STRN3: variants seen among roughly 807,000 people sequenced by gnomAD.
STRN3 encodes the protein striatin-3.
Under a neutral mutation model 95.6 loss-of-function variants are expected in STRN3, and 29 were observed. The ratio of observed to expected loss-of-function variants is 0.30; its 90% CI spans 0.23 to 0.41. The LOEUF is 0.41. Ranked by LOEUF, STRN3 falls within the 10% of genes least tolerant of loss-of-function variation. The probability of loss-of-function intolerance (pLI) is 1.00; values close to 1 mark genes in which losing one functional copy is unlikely to be tolerated. For missense variants in STRN3, 890 were observed against 972.1 expected (o/e 0.92, Z 1.12); for synonymous variants, 331 against 357.6 (o/e 0.93, Z 0.84).
At chr14:30,963,880 A>G (rs7142163) in intron 1 of STRN3, among the ~76,000 whole-genome samples, 7,769 of 152,324 alleles carry the variant, frequency 0.051, 253 homozygotes, top group African/African-American at 0.083. Context: ...AAACAAACAC[A>G]GGACATACCA....
chr14:30,974,684 G>T (rs1011730203), intron 1 of STRN3, among the ~76,000 whole-genome samples: 1 of 151,402 alleles, frequency 6.6e-6, no homozygotes, highest in African/African-American at 2.4e-5. Flanking sequence ...CACGCCTGTA[G>T]TCTCAGCTAC....
chr14:30,991,964 T>A (rs1881977369), intron 1 of STRN3, among the ~76,000 whole-genome samples: 1 of 150,052 alleles, frequency 6.7e-6, no homozygotes, highest in African/African-American at 2.4e-5. Flanking sequence ...AAATAAAACA[T>A]CATTAAAAAG....
intron 1 of STRN3, among the ~76,000 whole-genome samples, chr14:30,989,702 T>C (rs968113141): frequency 2.0e-5 from 3 of 151,938 alleles, no homozygotes; most frequent in South Asian, 2.1e-4. Context: ...TCGTGATCCA[T>C]CCGCCTCAGC....
intron 1 of STRN3, 128 bp downstream of exon 1, chr14:31,025,776 T>C (rs1243180499): frequency 4.6e-6 from 6 of 1,310,312 alleles, no homozygotes; most frequent in Admixed American, 2.3e-5. Context: ...CATCACAACC[T>C]GAGCAGCACA....
intron 3 of STRN3, among the ~76,000 whole-genome samples, chr14:30,954,354 T>C (rs754034112): frequency 2.6e-5 from 4 of 152,192 alleles, no homozygotes; most frequent in South Asian, 2.1e-4. Flanking sequence ...TAAATACTTA[T>C]ATATCTTCTA....
chr14:30,912,327 A>G, intron 10 of STRN3, 145 bp from the exon 11 acceptor site: 1 of 626,932 alleles, frequency 1.6e-6, no homozygotes, highest in Non-Finnish European at 2.5e-6. Flanking sequence ...ATGTACCTTT[A>G]AAACTTTCTA....
At chr14:30,925,772 A>G (rs1485524849) in intron 8 of STRN3, among the ~76,000 whole-genome samples, 2 of 152,176 alleles carry the variant, frequency 1.3e-5, no homozygotes, top group Non-Finnish European at 1.5e-5. Context: ...TTAAAATGTC[A>G]CACTGTGTCC....
At chr14:30,957,951 T>G (rs1250067150) in intron 1 of STRN3, among the ~76,000 whole-genome samples, 1 of 152,108 alleles carries the variant, frequency 6.6e-6, no homozygotes, top group African/African-American at 2.4e-5. Context: ...ACAAGAGAAA[T>G]ATATTAGCCA....
At chr14:31,018,432 C>T (rs1481552798) in intron 1 of STRN3, 1 of 383,764 alleles carries the variant, frequency 2.6e-6, no homozygotes, top group Non-Finnish European at 5.0e-6. Context: ...TATTCTTTCT[C>T]GACCCTTGTT....
At chr14:30,905,699 CTG>C (rs781400024) in intron 14 of STRN3, 141 bp from the exon 15 acceptor site, 4 of 854,446 alleles carry the variant, frequency 4.7e-6, no homozygotes, top group Non-Finnish European at 7.0e-6. Flanking sequence ...AGGAACACAA[CTG>C]TGTCAGGATG....
chr14:30,939,375 G>T (rs1023785143), intron 5 of STRN3, among the ~76,000 whole-genome samples: 5 of 152,124 alleles, frequency 3.3e-5, no homozygotes, highest in African/African-American at 9.7e-5. Context: ...TTATAAGAAT[G>T]ACTAAAATTA....
chr14:31,006,205 AC>A (rs1882706407), intron 1 of STRN3, among the ~76,000 whole-genome samples: 1 of 152,056 alleles, frequency 6.6e-6, no homozygotes, highest in African/African-American at 2.4e-5. Context: ...AAATTCAACA[AC>A]AAAAACTCTA....
chr14:30,911,298 T>C, intron 12 of STRN3, 136 bp from the exon 13 acceptor site: 2 of 498,270 alleles, frequency 4.0e-6, no homozygotes, highest in Non-Finnish European at 5.7e-6. Context: ...ACTGGTACTT[T>C]TTTTTTTTTT....
intron 9 of STRN3, among the ~76,000 whole-genome samples, chr14:30,916,387 GCCTC>G (rs1896740048): frequency 6.7e-6 from 1 of 150,144 alleles, no homozygotes; most frequent in African/African-American, 2.5e-5. Context: ...CCATTCTCCT[GCCTC>G]AACCTCCTGA....
intron 1 of STRN3, among the ~76,000 whole-genome samples, chr14:30,959,964 A>C (rs1000707618): frequency 2.0e-5 from 3 of 152,214 alleles, no homozygotes; most frequent in African/African-American, 7.2e-5. Flanking sequence ...TTTAATTTCA[A>C]TCAAATTCTG....
Position 30,895,751 on chromosome 14 carries a change from A to T in STRN3, c.2138-3T>A, listed in dbSNP as rs1420335700. Reference sequence around the variant, plus strand: ...TACCATAGAATGGATCATTTTACCTAAACAAAACATAACAGAGAACTGATT... The same window carrying T: ...TACCATAGAATGGATCATTTTACCTTAACAAAACATAACAGAGAACTGATT... On this transcript the variant is annotated splice_region_variant and splice_polypyrimidine_tract_variant and intron_variant, in intron 16 of 17. Transcript: ENST00000357479. The T allele has an allele frequency of 2.5e-6, 4 of 1,610,400 alleles. No individual in the cohort carries two copies. The East Asian group carries it at 8.9e-5, about 36-fold the overall frequency.
At chr14:31,019,448 T>A (rs540474901) in intron 1 of STRN3, among the ~76,000 whole-genome samples, 1 of 152,332 alleles carries the variant, frequency 6.6e-6, no homozygotes, top group Admixed American at 6.5e-5. Context: ...AATACTATAT[T>A]ATTTTCTTAC....
chr14:30,959,143 C>A (rs1044558516), intron 1 of STRN3, among the ~76,000 whole-genome samples: 2 of 152,094 alleles, frequency 1.3e-5, no homozygotes, highest in African/African-American at 4.8e-5. Flanking sequence ...CTGGCCAACA[C>A]AGCAACACCT....
intron 1 of STRN3, among the ~76,000 whole-genome samples, chr14:30,960,596 G>A (rs377760210): frequency 1.3e-5 from 2 of 152,122 alleles, no homozygotes; most frequent in South Asian, 4.1e-4. Context: ...GAGGCTGGGC[G>A]CGGTGGCTCA....
Sources: allele counts gnomAD v4.1 joint callset (sites outside exome capture counted in the v4.1 genomes callset), GRCh38; gene constraint gnomAD v4.1.1; transcripts MANE v1.5; gene names NCBI Gene and HGNC (gene_info 2026-07-23, HGNC 2026-07-21).